GPC5: variants seen among roughly 807,000 people sequenced by gnomAD.
The protein encoded by GPC5 is glypican 5, also known as glypican-5.
A neutral mutation model predicts 53.9 loss-of-function variants in GPC5; 47 were observed. That is an observed-to-expected ratio of 0.87 (90% confidence interval 0.69 to 1.11). GPC5 has a LOEUF of 1.11. GPC5 is among the 50% of genes most tolerant of loss of function. The probability of loss-of-function intolerance (pLI) is 0.00; values close to 1 mark genes in which losing one functional copy is unlikely to be tolerated. For missense variants in GPC5, 748 were observed against 713.1 expected (o/e 1.05, Z -0.56); for synonymous variants, 286 against 263.3 (o/e 1.09, Z -0.84).
chr13:92,154,158 G>A (rs529857637), intron 7 of GPC5, among the ~76,000 whole-genome samples: 2 of 152,196 alleles, frequency 1.3e-5, no homozygotes, highest in East Asian at 3.9e-4. Context: ...GGGAGCAGGT[G>A]CCACATTCTT....
intron 6 of GPC5, among the ~76,000 whole-genome samples, chr13:92,002,334 A>C (rs1469277189): frequency 6.6e-6 from 1 of 152,220 alleles, no homozygotes; most frequent in Non-Finnish European, 1.5e-5. Context: ...ATCCATTTTC[A>C]CCTAGACTCC....
rs140363389 is a variant in GPC5, at chr13:92,839,480, T to A, written c.1562-26802T>A. Among the ~76,000 whole-genome samples, 193 of 152,206 alleles carry A rather than the reference T, an allele frequency of 1.3e-3. 2 individuals carry two copies. Among genetic ancestry groups the A allele is most frequent in the African/African-American group, 4.5e-3 (185 of 41,540 alleles). On this transcript the variant is annotated intron_variant, in intron 7 of 7. Transcript: ENST00000377067. ...CCCTCCACCCTGCAACAGGCCCCAA[T>A]GTGTGTTGTTCCCCTCTATGTGTTC...
intron 7 of GPC5, among the ~76,000 whole-genome samples, chr13:92,249,642 G>C (rs9560996): frequency 3.9e-5 from 6 of 152,002 alleles, no homozygotes; most frequent in Non-Finnish European, 7.4e-5. Context: ...AATTTTTAGT[G>C]GGGGGGTTGA....
At chr13:92,648,452 C>T (rs1426655336) in intron 7 of GPC5, among the ~76,000 whole-genome samples, 2 of 152,052 alleles carry the variant, frequency 1.3e-5, no homozygotes, top group African/African-American at 2.4e-5. Flanking sequence ...CCTATTTTAT[C>T]ACCAAAGTAA....
At chr13:91,997,020 T>C (rs1483350456) in intron 6 of GPC5, among the ~76,000 whole-genome samples, 1 of 152,076 alleles carries the variant, frequency 6.6e-6, no homozygotes, top group Non-Finnish European at 1.5e-5. Context: ...ATTAATATCC[T>C]TTATTGTTTA....
At chr13:92,107,751 G>A (rs73626560) in intron 6 of GPC5, among the ~76,000 whole-genome samples, 4,516 of 152,172 alleles carry the variant, frequency 0.03, 226 homozygotes, top group African/African-American at 0.1. Flanking sequence ...TAAAGGCACT[G>A]TACAGAATAA....
At chr13:91,924,668 G>A (rs926191537) in intron 6 of GPC5, among the ~76,000 whole-genome samples, 3 of 152,152 alleles carry the variant, frequency 2.0e-5, no homozygotes, top group African/African-American at 7.2e-5. Flanking sequence ...CTGGGCCTGG[G>A]AGGTTGAGGT....
chr13:91,529,869 G>A (rs906028913), intron 2 of GPC5, among the ~76,000 whole-genome samples: 1 of 152,070 alleles, frequency 6.6e-6, no homozygotes, highest in African/African-American at 2.4e-5. Flanking sequence ...TCGGTCACAA[G>A]TGGGTCTGAG....
rs576463012 is a variant in GPC5 at position 91,709,353 on chromosome 13, A to T, written c.1020+15472A>T. ...TATACTGACCTTTAGTACTTTGCAC[A>T]TTCTGGCCTTTACCACCACTTTACC... On this transcript the variant is annotated intron_variant, in intron 3 of 7. Coordinates refer to ENST00000377067, the MANE Select transcript of GPC5 (RefSeq NM_004466.6). Among the ~76,000 whole-genome samples, 12 of 152,288 alleles carry T rather than the reference A, an allele frequency of 7.9e-5. No individual in the cohort carries two copies. The South Asian group carries it at 2.3e-3, about 29-fold the overall frequency.
intron 7 of GPC5, among the ~76,000 whole-genome samples, chr13:92,204,628 C>T (rs1163838848): frequency 6.6e-6 from 1 of 152,146 alleles, no homozygotes; most frequent in African/African-American, 2.4e-5. Context: ...GAAAAACTTA[C>T]AGAACTCACT....
At chr13:91,856,284 A>G (rs573025519) in intron 5 of GPC5, among the ~76,000 whole-genome samples, 1 of 151,742 alleles carries the variant, frequency 6.6e-6, no homozygotes, top group South Asian at 2.1e-4. Context: ...TACTGCTATA[A>G]ACATGTATGT....
chr13:91,847,439 C>T (rs1420497352), intron 5 of GPC5, among the ~76,000 whole-genome samples: 1 of 151,724 alleles, frequency 6.6e-6, no homozygotes, highest in Non-Finnish European at 1.5e-5. Flanking sequence ...TAGAGTTCAA[C>T]TGAAAAAAAT....
At chr13:92,681,018 A>C (rs1379494912) in intron 7 of GPC5, among the ~76,000 whole-genome samples, 1 of 151,976 alleles carries the variant, frequency 6.6e-6, no homozygotes, top group Non-Finnish European at 1.5e-5. Context: ...AGAACTGTGA[A>C]GAGCTATTCT....
At chr13:91,569,577 TAGA>T (rs918676076) in intron 2 of GPC5, among the ~76,000 whole-genome samples, 70 of 152,232 alleles carry the variant, frequency 4.6e-4, no homozygotes, top group African/African-American at 1.6e-3. Flanking sequence ...TTCAAGAATC[TAGA>T]AGAAGTAGAG....
intron 4 of GPC5, among the ~76,000 whole-genome samples, chr13:91,744,424 AT>A (rs1406413774): frequency 6.6e-6 from 1 of 152,132 alleles, no homozygotes; most frequent in Middle Eastern, 3.2e-3. Context: ...CTATTTATAG[AT>A]TTCCTAGTGC....
intron 4 of GPC5, among the ~76,000 whole-genome samples, chr13:91,749,766 A>T (rs1272024684): frequency 2.0e-5 from 3 of 152,198 alleles, no homozygotes; most frequent in Non-Finnish European, 2.9e-5. Flanking sequence ...TTGACTTTTT[A>T]ATAAAGACAT....
intron 5 of GPC5, among the ~76,000 whole-genome samples, chr13:91,862,317 G>A (rs1229168286): frequency 6.6e-6 from 1 of 152,142 alleles, no homozygotes; most frequent in African/African-American, 2.4e-5. Context: ...CTGATGCTCT[G>A]TCATCTCCAA....
chr13:91,895,981 C>A (rs1280413871), intron 5 of GPC5, among the ~76,000 whole-genome samples: 2 of 152,106 alleles, frequency 1.3e-5, no homozygotes, highest in Non-Finnish European at 2.9e-5. Context: ...CAATCTCTGC[C>A]TCCGTGGTCC....
intron 7 of GPC5, among the ~76,000 whole-genome samples, chr13:92,245,066 T>C (rs1304113530): frequency 6.6e-6 from 1 of 151,330 alleles, no homozygotes; most frequent in Non-Finnish European, 1.5e-5. Context: ...TTGCACATTG[T>C]CCTTCTGGTT....
Sources: allele counts gnomAD v4.1 joint callset (sites outside exome capture counted in the v4.1 genomes callset), GRCh38; gene constraint gnomAD v4.1.1; transcripts MANE v1.5; gene names NCBI Gene and HGNC (gene_info 2026-07-23, HGNC 2026-07-21).